POLK: variants seen among roughly 807,000 people sequenced by gnomAD.
POLK encodes polymerase (DNA directed) kappa.
POLK carries 76 observed loss-of-function variants against 94.0 expected under a neutral mutation model. The observed-to-expected ratio is 0.81, with a 90% CI of 0.67 to 0.98. The LOEUF is 0.98. POLK is among the 50% of genes least tolerant of loss of function. The pLI is 0.00. For synonymous variants in POLK, 349 were observed against 325.4 expected, an observed-to-expected ratio of 1.07 and a Z score of -0.78; for missense variants, 954 against 1,010.1, an observed-to-expected ratio of 0.94 and a Z score of 0.75.
chr5:75,599,379 T>A (rs1773238902), exon 15 of POLK: 1 of 152,158 alleles, frequency 6.6e-6, no homozygotes, highest in South Asian at 2.1e-4. Flanking sequence ...GCTTATGATC[T>A]AAATATATAT....
chr5:75,559,314 C>G (rs1770820172), intron 3 of POLK, among the ~76,000 whole-genome samples: 1 of 152,084 alleles, frequency 6.6e-6, no homozygotes. Flanking sequence ...CAGAACCTCT[C>G]TAAGTATACT....
At chr5:75,511,905 G>A in exon 1 of POLK, 1 of 1,339,574 alleles carries the variant, frequency 7.5e-7, no homozygotes, top group Non-Finnish European at 1.0e-6. Flanking sequence ...TCGCGATCCT[G>A]AGGTAACGGG....
At chr5:75,588,999 C>T (rs1772611971) in intron 10 of POLK, among the ~76,000 whole-genome samples, 2 of 152,160 alleles carry the variant, frequency 1.3e-5, no homozygotes, top group African/African-American at 4.8e-5. Context: ...CATTATCTAG[C>T]CTACCACAGG....
At chr5:75,511,726 C>G (rs1286271390), upstream of POLK, 2 of 1,548,616 alleles carry the variant, frequency 1.3e-6, no homozygotes, top group Non-Finnish European at 1.7e-6. Flanking sequence ...ACGCGACACG[C>G]CGAGCCTTCG....
chr5:75,530,463 G>A (rs1769119389), intron 1 of POLK, among the ~76,000 whole-genome samples: 1 of 120,478 alleles, frequency 8.3e-6, no homozygotes, highest in African/African-American at 3.2e-5. Context: ...GGAGTGCATT[G>A]GCATGATCTA....
chr5:75,576,726 A>G, intron 5 of POLK, 54 bp from the exon 6 acceptor site: 1 of 922,018 alleles, frequency 1.1e-6, no homozygotes, highest in East Asian at 2.7e-5. Context: ...TACATATGAC[A>G]GAAGAAGTTT....
chr5:75,575,446 G>A (rs1771824038), intron 5 of POLK, among the ~76,000 whole-genome samples: 1 of 152,184 alleles, frequency 6.6e-6, no homozygotes, highest in Non-Finnish European at 1.5e-5. Flanking sequence ...CTCCCAAAGT[G>A]CTGGGATTAC....
Position 75,567,038 on chromosome 5 carries a change from A to T in POLK, c.256-2302A>T, listed in dbSNP as rs543038622. Among the ~76,000 whole-genome samples the T allele has an allele frequency of 8.5e-5, 13 of 152,286 alleles. No homozygotes were observed. The East Asian group carries it at 2.5e-3, about 29-fold the overall frequency. On this transcript the variant is annotated intron_variant, in intron 3 of 14. Transcript: ENST00000241436. ...AGTTCAGACAAGGGTGACTAATGAG[A>T]GATAGTAAAGGAAAGTGGAATGTAT...
At chr5:75,551,949 A>G (rs988428515) in intron 2 of POLK, among the ~76,000 whole-genome samples, 1 of 152,226 alleles carries the variant, frequency 6.6e-6, no homozygotes, top group African/African-American at 2.4e-5. Flanking sequence ...ACTGTAGCCA[A>G]AAAGTGAAAA....
intron 1 of POLK, among the ~76,000 whole-genome samples, chr5:75,516,591 G>A (rs1019053107): frequency 6.6e-6 from 1 of 152,140 alleles, no homozygotes; most frequent in African/African-American, 2.4e-5. Context: ...CTTGAGCTCA[G>A]GAGGTCAAGG....
At chr5:75,588,662 C>G (rs1772597524) in intron 10 of POLK, among the ~76,000 whole-genome samples, 1 of 152,166 alleles carries the variant, frequency 6.6e-6, no homozygotes, top group South Asian at 2.1e-4. Flanking sequence ...AATTTATTCT[C>G]TATCATTCTG....
rs569165859 is a variant in POLK, at chr5:75,555,809, A to G, written c.255+3218A>G. On this transcript the variant is annotated intron_variant, in intron 3 of 14. Coordinates refer to ENST00000241436, the Ensembl canonical transcript of POLK. ...TGTCATCCGCCTGCCTCAGCCTTCC[A>G]AAGTTCTGGGATTACAGGCGTGAGC... is the stretch of plus-strand genomic sequence containing the variant. Among the ~76,000 whole-genome samples the G allele has an allele frequency of 2.2e-4, 34 of 152,298 alleles. 1 individual carries two copies. In the South Asian group the frequency reaches 7.0e-3, roughly 32 times the overall value.
At chr5:75,563,922 G>A (rs574096318) in intron 3 of POLK, among the ~76,000 whole-genome samples, 2 of 152,290 alleles carry the variant, frequency 1.3e-5, no homozygotes, top group East Asian at 3.9e-4. Flanking sequence ...GCTTGGTCCA[G>A]AGCTGAGTTC....
chr5:75,605,911 C>G (rs963731960), downstream of POLK, among the ~76,000 whole-genome samples: 1 of 150,072 alleles, frequency 6.7e-6, no homozygotes, highest in African/African-American at 2.5e-5. Context: ...GAAAAAGACA[C>G]AGAGACAAAG....
upstream of POLK, among the ~76,000 whole-genome samples, chr5:75,510,855 C>T (rs1767930725): frequency 6.6e-6 from 1 of 152,298 alleles, no homozygotes; most frequent in South Asian, 2.1e-4. Context: ...TCCCAAGTCA[C>T]GGCGCGCATC....
chr5:75,510,966 G>T, upstream of POLK: 1 of 1,137,048 alleles, frequency 8.8e-7, no homozygotes, highest in Non-Finnish European at 1.2e-6. Flanking sequence ...CTATATCCCC[G>T]CCTCATCCCT....
intron 3 of POLK, among the ~76,000 whole-genome samples, chr5:75,562,871 C>T (rs770236625): frequency 3.3e-5 from 5 of 152,006 alleles, no homozygotes; most frequent in Admixed American, 2.0e-4. Context: ...GACTTGATTG[C>T]GTTGGATAAG....
intron 14 of POLK, 24 bp from the exon 15 acceptor site, chr5:75,597,910 A>G: frequency 1.5e-6 from 2 of 1,294,992 alleles, no homozygotes; most frequent in South Asian, 1.6e-5. Context: ...CTGCATTTTA[A>G]TTGTGTGTTC....
exon 1 of POLK, chr5:75,511,828 A>G (rs1464384976): frequency 1.3e-6 from 2 of 1,550,966 alleles, no homozygotes; most frequent in Non-Finnish European, 1.7e-6. Flanking sequence ...CGGGGTAGGG[A>G]TGCAGCTGTG....
Sources: gnomAD v4.1 joint callset for allele counts (sites outside exome capture counted in the v4.1 genomes callset) on GRCh38, gnomAD v4.1.1 for gene constraint, MANE v1.5 for transcripts, NCBI Gene and HGNC (gene_info 2026-07-23, HGNC 2026-07-21) for gene names.